Variants in AGO2 observed in about 807,000 individuals in gnomAD.
AGO2 encodes the protein protein argonaute-2.
A neutral mutation model predicts 102.3 loss-of-function variants in AGO2; 5 were observed. The ratio of observed to expected loss-of-function variants is 0.05; its 90% CI spans 0.03 to 0.10. The LOEUF (loss-of-function observed/expected upper bound fraction) is 0.10. AGO2 is among the 10% of genes least tolerant of loss of function. The probability of loss-of-function intolerance (pLI) is 1.00; values close to 1 mark genes in which losing one functional copy is unlikely to be tolerated. For missense variants in AGO2, 541 were observed against 1,183.7 expected (o/e 0.46, Z 7.97); for synonymous variants, 449 against 473.1 (o/e 0.95, Z 0.66).
In AGO2 at chr8:140,557,468, C is replaced by T. The variant is rs1241917383; in HGVS notation, c.879-232G>A. The stretch of plus-strand genomic sequence containing the variant: ...CAAAAAATACCTACATGCATCATTA[C>T]TCATAAATTATCCACAACGTCACAG... On this transcript the variant is annotated intron_variant, in intron 7 of 18. Coordinates refer to ENST00000220592, the MANE Select transcript of AGO2 (RefSeq NM_012154.5). The surrounding 1 kb of genome is among the most constrained non-coding windows in gnomAD (Gnocchi z 5.9). Among the ~76,000 whole-genome samples the T allele has an allele frequency of 6.6e-6, 1 of 152,170 alleles. No individual in the cohort carries two copies. Among genetic ancestry groups the T allele is most frequent in the Non-Finnish European group, 1.5e-5 (1 of 68,036 alleles).
chr8:140,547,047 A>G (rs565766883), intron 13 of AGO2, among the ~76,000 whole-genome samples: 1 of 152,198 alleles, frequency 6.6e-6, no homozygotes, highest in Admixed American at 6.5e-5. Context: ...TCCCATGAGG[A>G]GCTTTTCAGT....
intron 1 of AGO2, among the ~76,000 whole-genome samples, chr8:140,630,208 C>T (rs778651598): frequency 1.6e-4 from 24 of 152,232 alleles, no homozygotes; most frequent in South Asian, 4.1e-4. Context: ...AAGCTACACA[C>T]AAGCCCCAGA....
chr8:140,585,019 C>T, intron 2 of AGO2, 100 bp downstream of exon 2: 5 of 1,232,868 alleles, frequency 4.1e-6, no homozygotes, highest in Admixed American at 2.6e-5. Context: ...CTGGAAAAAA[C>T]CCAGATGGAT....
At chr8:140,626,357 C>T (rs1425626377) in intron 1 of AGO2, 1 of 152,134 alleles carries the variant, frequency 6.6e-6, no homozygotes. Context: ...TCCCTGCTTG[C>T]AAAGTAAAGA....
At chr8:140,552,786 G>C (rs2073025221) in intron 10 of AGO2, among the ~76,000 whole-genome samples, 1 of 151,266 alleles carries the variant, frequency 6.6e-6, no homozygotes, top group South Asian at 2.1e-4. Context: ...TTACTATACA[G>C]GTGCTTCTCA....
intron 1 of AGO2, among the ~76,000 whole-genome samples, chr8:140,601,365 C>T (rs530637028): frequency 8.7e-4 from 132 of 152,308 alleles, no homozygotes; most frequent in Non-Finnish European, 1.4e-3. Context: ...CCCCAGCACC[C>T]CCCCGCCGCT....
intron 1 of AGO2, among the ~76,000 whole-genome samples, chr8:140,606,324 G>T (rs1451393994): frequency 6.6e-6 from 1 of 152,236 alleles, no homozygotes; most frequent in Non-Finnish European, 1.5e-5. Context: ...GAGCAAGCGA[G>T]GAGCATGCAG....
chr8:140,612,966 G>A (rs764682518), intron 1 of AGO2, among the ~76,000 whole-genome samples: 2 of 151,880 alleles, frequency 1.3e-5, no homozygotes, highest in Non-Finnish European at 2.9e-5. Flanking sequence ...TTGGGAGGCC[G>A]AGGTGGGCAG....
At chr8:140,629,463 A>C (rs2074315375) in intron 1 of AGO2, among the ~76,000 whole-genome samples, 1 of 152,102 alleles carries the variant, frequency 6.6e-6, no homozygotes, top group Non-Finnish European at 1.5e-5. Flanking sequence ...AGGCGAGAAA[A>C]CTGAGACCAC....
intron 1 of AGO2, among the ~76,000 whole-genome samples, chr8:140,604,139 G>T (rs1168734199): frequency 1.3e-5 from 2 of 152,208 alleles, no homozygotes; most frequent in Non-Finnish European, 2.9e-5. Context: ...GCTGCTGTAG[G>T]CCACAAGACC....
In AGO2 at chr8:140,521,726, C is replaced by T. The variant is rs1325819514; in HGVS notation, c.*10318G>A. The T allele has an allele frequency of 6.6e-6, 1 of 152,262 alleles. No individual in the cohort carries two copies. Among genetic ancestry groups the T allele is most frequent in the Non-Finnish European group, 1.5e-5 (1 of 68,052 alleles). 9.4% of individuals were successfully genotyped at this position (152,262 alleles called of 1,614,324 possible). A position where few individuals can be genotyped will look rare whatever the true frequency, so the allele number is the denominator to read the frequency against. On this transcript the variant is annotated 3_prime_UTR_variant, in exon 19 of 19. Coordinates refer to ENST00000220592, the MANE Select transcript of AGO2 (RefSeq NM_012154.5). Reference sequence around the variant, plus strand: ...CTCCACAAAGCCACGAGCTCTGGCTCGCCCCTTTCTGTCCATGGCCATTAG... The same window carrying T: ...CTCCACAAAGCCACGAGCTCTGGCTTGCCCCTTTCTGTCCATGGCCATTAG...
intron 1 of AGO2, among the ~76,000 whole-genome samples, chr8:140,604,247 A>G (rs2073965885): frequency 6.6e-6 from 1 of 152,228 alleles, no homozygotes; most frequent in Non-Finnish European, 1.5e-5. Context: ...AGTTAGAAGC[A>G]CCACGCTGGT....
At position 140,531,936 on chromosome 8, in the gene AGO2, T is replaced by C; in HGVS notation, c.*108A>G. ...GGAGAATCTAATAAAATCAATGACG[T>C]CTCATGTTCGATGCTGGCTGTCACG... On this transcript the variant is annotated 3_prime_UTR_variant, in exon 19 of 19. Coordinates refer to ENST00000220592, the MANE Select transcript of AGO2 (RefSeq NM_012154.5). 1.1e-6 allele frequency: 1 copy of C among 928,916 alleles called. No individual in the cohort carries two copies. Among genetic ancestry groups the C allele is most frequent in the South Asian group, 1.5e-5 (1 of 65,650 alleles). 57.5% of individuals were successfully genotyped at this position (928,916 alleles called of 1,614,324 possible).
chr8:140,532,465 G>A lies in AGO2; in HGVS notation c.2422C>T (p.Leu808=). 2 of 1,614,244 alleles carry A rather than the reference G, an allele frequency of 1.2e-6. No individual in the cohort carries two copies. The highest frequency in any genetic ancestry group is 2.2e-5 in the East Asian group (1 of 44,886). Residue 808 remains leucine (L), a synonymous_variant, in exon 18 of 19, where the codon CTG becomes TTG. Transcript: ENST00000220592. The part of the protein sequence containing the change: ...SIPAPAYYAH[L]VAFRARYHLV... ...TGGTACCTGGCCCGGAAGGCCACCA[G>A]GTGAGCGTAGTATGCTGGCGCTGGG... is the stretch of plus-strand genomic sequence containing the variant.
intron 1 of AGO2, among the ~76,000 whole-genome samples, chr8:140,611,339 T>A (rs1362186855): frequency 2.0e-5 from 3 of 151,750 alleles, no homozygotes; most frequent in Non-Finnish European, 4.4e-5. Context: ...TGTTTTTTTT[T>A]TTTCTTGATA....
chr8:140,558,763 A>C (rs2073144477), intron 6 of AGO2, among the ~76,000 whole-genome samples, 191 bp from the exon 7 acceptor site: 1 of 152,202 alleles, frequency 6.6e-6, no homozygotes, highest in Non-Finnish European at 1.5e-5. Flanking sequence ...CACCTACAAG[A>C]GTACCACGTG....
chr8:140,596,977 C>T (rs2073854918), intron 1 of AGO2, among the ~76,000 whole-genome samples: 1 of 152,206 alleles, frequency 6.6e-6, no homozygotes, highest in Admixed American at 6.5e-5. Context: ...CAGACAGGCA[C>T]CCTGGCCCCA....
chr8:140,617,567 T>G (rs2074156691), intron 1 of AGO2, among the ~76,000 whole-genome samples: 1 of 152,212 alleles, frequency 6.6e-6, no homozygotes, highest in South Asian at 2.1e-4. Context: ...AACACCACTC[T>G]TATGCCCAAA....
chr8:140,602,190 T>C (rs764120653), intron 1 of AGO2, among the ~76,000 whole-genome samples: 2 of 152,232 alleles, frequency 1.3e-5, no homozygotes, highest in Non-Finnish European at 2.9e-5. Flanking sequence ...CAGAGTAGAA[T>C]AGATGTTAAA....
Sources: gnomAD v4.1 joint callset for allele counts (sites outside exome capture counted in the v4.1 genomes callset) on GRCh38, gnomAD v4.1.1 for gene constraint, Gnocchi (gnomAD v3.1) non-coding constraint, MANE v1.5 for transcripts, NCBI Gene and HGNC (gene_info 2026-07-23, HGNC 2026-07-21) for gene names.